RBM48: variants seen among roughly 807,000 people sequenced by gnomAD.
The protein encoded by RBM48 is RNA-binding protein 48.
Under a neutral mutation model 34.8 loss-of-function variants are expected in RBM48, and 32 were observed. The ratio of observed to expected loss-of-function variants is 0.92; its 90% CI spans 0.69 to 1.23. The LOEUF (loss-of-function observed/expected upper bound fraction) is 1.23, where lower values mean the gene tolerates loss of function less well. RBM48 is among the 50% of genes most tolerant of loss of function. RBM48 has a pLI of 0.00. For missense variants in RBM48, 441 were observed against 447.2 expected (o/e 0.99, Z 0.12); for synonymous variants, 151 against 156.2 (o/e 0.97, Z 0.25).
chr7:92,536,235 T>C (rs1042602576), intron 4 of RBM48: 2 of 984,460 alleles, frequency 2.0e-6, no homozygotes, highest in African/African-American at 3.5e-5. Flanking sequence ...CCAGAGCTGA[T>C]TACATTTTCA....
chr7:92,531,309 T>C (rs938755779), intron 2 of RBM48, among the ~76,000 whole-genome samples: 3 of 152,242 alleles, frequency 2.0e-5, no homozygotes, highest in African/African-American at 7.2e-5. Context: ...TGGTTTCTAC[T>C]GTTACTCCTT....
intron 4 of RBM48, chr7:92,536,471 A>G: frequency 1.0e-6 from 1 of 987,936 alleles, no homozygotes; most frequent in Non-Finnish European, 1.2e-6. Context: ...TCATTTCTCC[A>G]AAGGTTTTCA....
In RBM48 at chr7:92,540,084, A is replaced by G. The variant is rs999385199; in HGVS notation, c.*3147A>G. On this transcript the variant is annotated 3_prime_UTR_variant, in exon 5 of 5. Transcript: ENST00000265732. ...CTCAATGGAAGTCTTGAATATAGTT[A>G]CTGAAATAATCATGAATGTCTTCTT... 1.3e-5 allele frequency among the ~76,000 whole-genome samples: 2 copies of G among 152,238 alleles called. No individual in the cohort carries two copies. The highest frequency in any genetic ancestry group is 4.8e-5 in the African/African-American group (2 of 41,468).
chr7:92,529,775 A>G, intron 2 of RBM48, 109 bp downstream of exon 2: 1 of 616,446 alleles, frequency 1.6e-6, no homozygotes, highest in South Asian at 2.2e-5. Flanking sequence ...CCAAAACGTA[A>G]TCTAGCATAT....
intron 3 of RBM48, among the ~76,000 whole-genome samples, chr7:92,532,917 G>C (rs1035842016): frequency 2.0e-5 from 3 of 152,196 alleles, no homozygotes; most frequent in South Asian, 4.1e-4. Flanking sequence ...AAGCCCAAAG[G>C]TTTCAGTGAG....
rs1480715523 is a variant in RBM48 at position 92,538,848 on chromosome 7, C to CAGTT, written c.*1913_*1916dup. On this transcript the variant is annotated 3_prime_UTR_variant, in exon 5 of 5. Coordinates refer to ENST00000265732, the MANE Select transcript of RBM48 (RefSeq NM_032120.4). Reference sequence around the variant, plus strand: ...CTGTTGCATGACAAACGTTACCTGACAGTTAAGGAGAGGAGCTGCTAAATG... The same window carrying CAGTT: ...CTGTTGCATGACAAACGTTACCTGACAGTTAGTTAAGGAGAGGAGCTGCTAAATG... 1.3e-5 allele frequency among the ~76,000 whole-genome samples: 2 copies of CAGTT among 152,094 alleles called. No homozygotes were observed. The highest frequency in any genetic ancestry group is 6.5e-5 in the Admixed American group (1 of 15,274).
chr7:92,528,834 G>T lies in RBM48; in HGVS notation c.21G>T (p.Glu7Asp). 6.2e-7 allele frequency: 1 copy of T among 1,614,060 alleles called. No homozygotes were observed. Among genetic ancestry groups the T allele is most frequent in the South Asian group, 1.1e-5 (1 of 91,068 alleles). MASSGG[E>D]LGSLFDHHVQ... ...GCAAGATGGCGTCGAGCGGCGGGGA[G>T]CTAGGGAGTTTATTTGATCACCACG... is the stretch of plus-strand genomic sequence containing the variant. Residue 7 changes from glutamate to aspartate, a missense_variant, in exon 1 of 5, where the codon GAG becomes GAT. Glu to Asp is a conservative substitution (Grantham distance 45, BLOSUM62 2). Transcript: ENST00000265732.
intron 2 of RBM48, among the ~76,000 whole-genome samples, chr7:92,530,629 C>T (rs1269888437): frequency 1.3e-5 from 2 of 151,648 alleles, no homozygotes; most frequent in Non-Finnish European, 2.9e-5. Context: ...TGGTGAAACC[C>T]TCACTCTACT....
chr7:92,528,947 C>A (rs778301573), intron 1 of RBM48, 23 bp downstream of exon 1: 1 of 1,549,562 alleles, frequency 6.5e-7, no homozygotes, highest in South Asian at 1.1e-5. Context: ...TGGTTTCATT[C>A]GCTCTCCTCG....
At chr7:92,532,643 AGT>A (rs1793605339) in intron 3 of RBM48, 94 bp downstream of exon 3, 1 of 851,622 alleles carries the variant, frequency 1.2e-6, no homozygotes, top group Non-Finnish European at 1.9e-6. Flanking sequence ...AGGAGAGGCA[AGT>A]AAACCATCAC....
intron 3 of RBM48, among the ~76,000 whole-genome samples, chr7:92,533,736 A>G (rs1381583182): frequency 2.0e-5 from 3 of 152,222 alleles, no homozygotes; most frequent in Non-Finnish European, 4.4e-5. Flanking sequence ...CTAAGTTAAC[A>G]TAACTCCCAT....
At chr7:92,531,654 C>T (rs924822396) in intron 2 of RBM48, among the ~76,000 whole-genome samples, 4 of 152,180 alleles carry the variant, frequency 2.6e-5, no homozygotes, top group Admixed American at 1.3e-4. Context: ...TTCTATAGTA[C>T]GTAGTCTGGT....
In RBM48 at chr7:92,534,567, A is replaced by G. The variant is rs1359585371; in HGVS notation, c.614A>G (p.Tyr205Cys). The change falls in exon 4 of 5, where the codon TAT becomes TGT. Residue 205 changes from tyrosine (Y) to cysteine (C), a missense_variant. By Grantham distance (194) the Tyr-to-Cys change is radical. Coordinates refer to ENST00000265732, the MANE Select transcript of RBM48 (RefSeq NM_032120.4). ...LPYSCELPLCYFSSKCMCSSG... is the reference protein window; with the variant it reads ...LPYSCELPLCCFSSKCMCSSG... Reference sequence around the variant, plus strand: ...TATTCCTGTGAATTGCCTTTATGTTATTTCTCCTCAAAATGTATGTGTTCA... The same window carrying G: ...TATTCCTGTGAATTGCCTTTATGTTGTTTCTCCTCAAAATGTATGTGTTCA... 4.3e-6 allele frequency: 7 copies of G among 1,614,006 alleles called. No individual in the cohort carries two copies. The highest frequency in any genetic ancestry group is 5.9e-6 in the Non-Finnish European group (7 of 1,180,008).
In RBM48 at chr7:92,534,786, C is replaced by G. The variant is rs765291690; in HGVS notation, c.833C>G (p.Thr278Arg). Residue 278 changes from threonine (T) to arginine (R), a missense_variant, in exon 4 of 5, where the codon ACA becomes AGA. Transcript: ENST00000265732. ...SEAVDRFMPR[T>R]TQLQERKRRR... ...GCAGTTGACAGATTTATGCCTAGGACAACACAACTGCAGGAGCGCAAAAGA... is the reference window on the plus strand; with the variant it reads ...GCAGTTGACAGATTTATGCCTAGGAGAACACAACTGCAGGAGCGCAAAAGA... 1.9e-6 allele frequency: 3 copies of G among 1,613,960 alleles called. No individual in the cohort carries two copies. Among genetic ancestry groups the G allele is most frequent in the Non-Finnish European group, 2.5e-6 (3 of 1,180,008 alleles).
intron 3 of RBM48, 58 bp downstream of exon 3, chr7:92,532,607 C>A: frequency 1.6e-6 from 2 of 1,274,636 alleles, no homozygotes; most frequent in South Asian, 1.3e-5. Context: ...CCAGGTGTGT[C>A]ATCATGCAAT....
rs536752045 is a variant in RBM48, at chr7:92,533,598, C to G, written c.449-804C>G. Among the ~76,000 whole-genome samples the G allele has an allele frequency of 2.6e-5, 4 of 152,250 alleles. No homozygotes were observed. The South Asian group carries it at 8.3e-4, about 32-fold the overall frequency. Reference sequence around the variant, plus strand: ...CAGAATTAAACTATGACTTGTTTGGCCTTGGACACTTTAGTTAAGCTCTCT... The same window carrying G: ...CAGAATTAAACTATGACTTGTTTGGGCTTGGACACTTTAGTTAAGCTCTCT... On this transcript the variant is annotated intron_variant, in intron 3 of 4. Transcript: ENST00000265732.
At position 92,538,149 on chromosome 7, in the gene RBM48, C is replaced by CA. The variant is rs764071725; in HGVS notation, c.*1213dup. ...CGAGCTGCAGACAAAACCCCGCAGA[C>CA]ACCAGGTTATAGAAAGAAGAGGCTT... On this transcript the variant is annotated 3_prime_UTR_variant, in exon 5 of 5. Transcript: ENST00000265732. The CA allele has an allele frequency of 5.9e-5, 9 of 152,330 alleles. No individual in the cohort carries two copies. The highest frequency in any genetic ancestry group is 4.6e-4 in the Admixed American group (7 of 15,304). 9.4% of individuals were successfully genotyped at this position (152,330 alleles called of 1,614,324 possible).
At chr7:92,529,193 CAG>C (rs1171790030) in intron 1 of RBM48, 9 of 573,978 alleles carry the variant, frequency 1.6e-5, no homozygotes, top group Admixed American at 9.9e-5. Context: ...GGTAAGCACT[CAG>C]TGAATATTCG....
chr7:92,540,313 G>C lies in RBM48; in HGVS notation c.*3376G>C, dbSNP rs573664957. 2.6e-5 allele frequency: 4 copies of C among 152,356 alleles called. No individual in the cohort carries two copies. The highest frequency in any genetic ancestry group is 9.6e-5 in the African/African-American group (4 of 41,592). The allele number at this position is 152,356 out of a possible 1,614,324, so 9.4% of individuals were successfully genotyped here. Reference sequence around the variant, plus strand: ...GTCCAAACACCTCCAACAGAAGTCTGTCTTCTCTTACTGTTTTTCAAAGTC... The same window carrying C: ...GTCCAAACACCTCCAACAGAAGTCTCTCTTCTCTTACTGTTTTTCAAAGTC... On this transcript the variant is annotated 3_prime_UTR_variant, in exon 5 of 5. Transcript: ENST00000265732.
Sources: gnomAD v4.1 joint callset for allele counts (sites outside exome capture counted in the v4.1 genomes callset) on GRCh38, gnomAD v4.1.1 for gene constraint, MANE v1.5 for transcripts, NCBI Gene and HGNC (gene_info 2026-07-23, HGNC 2026-07-21) for gene names.